RPTOR: variants seen among roughly 807,000 people sequenced by gnomAD.
RPTOR encodes regulatory associated protein of MTOR complex 1, also known as regulatory-associated protein of mTOR.
RPTOR carries 21 observed loss-of-function variants against 169.9 expected under a neutral mutation model. The observed-to-expected ratio is 0.12, with a 90% CI of 0.09 to 0.18. The LOEUF (loss-of-function observed/expected upper bound fraction) is 0.18. RPTOR is among the 10% of genes least tolerant of loss of function. The pLI, the probability that RPTOR is intolerant of heterozygous loss-of-function variation, is 1.00. For synonymous variants in RPTOR, 732 were observed against 753.2 expected (o/e 0.97, Z 0.46); for missense variants, 1,133 against 1,855.9 (o/e 0.61, Z 7.16).
rs562286937 is a variant in RPTOR at position 80,907,851 on chromosome 17, T to A, written c.2402-960T>A. ...CTCCTTCCCTTCAAAGCCCAGCTCC[T>A]TCGTGCCTCTTCCACCAGGCCTTCC... On this transcript the variant is annotated intron_variant, in intron 20 of 33. Coordinates refer to ENST00000306801, the MANE Select transcript of RPTOR (RefSeq NM_020761.3). Among the ~76,000 whole-genome samples the A allele has an allele frequency of 2.6e-5, 4 of 152,364 alleles. No individual in the cohort carries two copies. In the South Asian group the frequency reaches 8.3e-4, roughly 32 times the overall value.
chr17:80,962,608 C>T (rs770096858), intron 32 of RPTOR, 31 bp downstream of exon 32: 6 of 1,568,906 alleles, frequency 3.8e-6, no homozygotes, highest in East Asian at 4.5e-5. Context: ...TGGCCTGCAC[C>T]GCTCACCCGC....
At chr17:80,647,878 G>A (rs954597078) in intron 3 of RPTOR, among the ~76,000 whole-genome samples, 1 of 152,128 alleles carries the variant, frequency 6.6e-6, no homozygotes, top group African/African-American at 2.4e-5. Context: ...CCATGTGGTG[G>A]ACAGTTCTTA....
In RPTOR at chr17:80,707,904, C is replaced by T. The variant is rs2143094003; in HGVS notation, c.412C>T (p.Arg138Cys). ...DEVKKLCTSL[R>C]RNAKEERVLF... ...AGTCAAGAAGCTCTGCACGTCCTTA[C>T]GTCGCAACGCCAAGGAGGAGCGAGT... Residue 138 changes from arginine (R) to cysteine (C), a missense_variant, in exon 4 of 34, where the codon CGT (arginine) becomes TGT (cysteine). This residue lies in a region of RPTOR where 74 missense variants were observed against 168.3 expected (regional missense o/e 0.44). Transcript: ENST00000306801. This position sits in a 1 kb window ranked among gnomAD's most constrained non-coding sequence, Gnocchi z 5.0. The T allele has an allele frequency of 1.2e-6, 2 of 1,614,026 alleles. No homozygotes were observed. The highest frequency in any genetic ancestry group is 1.7e-6 in the Non-Finnish European group (2 of 1,179,954).
At chr17:80,822,592 G>A (rs539900602) in intron 8 of RPTOR, among the ~76,000 whole-genome samples, 4 of 152,332 alleles carry the variant, frequency 2.6e-5, no homozygotes, top group South Asian at 2.1e-4. Flanking sequence ...CAGAGTCGTC[G>A]GCATTATTCA....
intron 3 of RPTOR, among the ~76,000 whole-genome samples, chr17:80,682,838 C>A (rs2065908788): frequency 6.6e-6 from 1 of 151,992 alleles, no homozygotes; most frequent in Admixed American, 6.6e-5. Flanking sequence ...GCTGTGTTCC[C>A]CAGGCTGGAG....
rs907012732 is a variant in RPTOR, at chr17:80,609,681, G to C, written c.163-16010G>C. On this transcript the variant is annotated intron_variant, in intron 1 of 33. Transcript: ENST00000306801. The surrounding 1 kb of genome is among the most constrained non-coding windows in gnomAD (Gnocchi z 4.8). ...AATCGCTTGAACCCAGGAGGTGGAGGTTGCAGTGAGCTGAGATTGCACTGC... is the reference window on the plus strand; with the variant it reads ...AATCGCTTGAACCCAGGAGGTGGAGCTTGCAGTGAGCTGAGATTGCACTGC... Among the ~76,000 whole-genome samples, 1 of 151,958 alleles carries C rather than the reference G, an allele frequency of 6.6e-6. No homozygotes were observed.
intron 9 of RPTOR, among the ~76,000 whole-genome samples, chr17:80,830,452 C>T (rs1270528768): frequency 3.3e-5 from 5 of 152,214 alleles, no homozygotes; most frequent in Non-Finnish European, 7.3e-5. Context: ...AGTAGACCAC[C>T]CCCCAATTCT....
Position 80,560,612 on chromosome 17 carries a change from C to T in RPTOR, c.162+14821C>T, listed in dbSNP as rs115405725. On this transcript the variant is annotated intron_variant, in intron 1 of 33. Transcript: ENST00000306801. ...GAAGGTTCAGCTGGAGGAACGGGGACGTGCAGGAGCTGAGAGGTGAGTGAG... is the reference window on the plus strand; with the variant it reads ...GAAGGTTCAGCTGGAGGAACGGGGATGTGCAGGAGCTGAGAGGTGAGTGAG... Among the ~76,000 whole-genome samples, 1,386 of 152,090 alleles carry T rather than the reference C, an allele frequency of 9.1e-3. 30 individuals are homozygous for T. Among genetic ancestry groups the T allele is most frequent in the African/African-American group, 0.031 (1,286 of 41,506 alleles).
chr17:80,837,523 A>G (rs2067578117), intron 9 of RPTOR, among the ~76,000 whole-genome samples: 2 of 152,214 alleles, frequency 1.3e-5, no homozygotes, highest in South Asian at 4.1e-4. Context: ...GCCCCATCAG[A>G]GCCTGCGCAG....
At chr17:80,765,884 G>A (rs932109121) in intron 6 of RPTOR, among the ~76,000 whole-genome samples, 1 of 152,168 alleles carries the variant, frequency 6.6e-6, no homozygotes, top group African/African-American at 2.4e-5. Flanking sequence ...GACTGGAGAC[G>A]TCTTCCCTTC....
intron 1 of RPTOR, among the ~76,000 whole-genome samples, chr17:80,554,570 C>T (rs943791671): frequency 6.6e-6 from 1 of 151,998 alleles, no homozygotes; most frequent in African/African-American, 2.4e-5. Context: ...GATGAAACCC[C>T]ATCTCTACTA....
intron 6 of RPTOR, among the ~76,000 whole-genome samples, chr17:80,791,171 G>A (rs148761197): frequency 2.0e-5 from 3 of 152,126 alleles, no homozygotes; most frequent in Non-Finnish European, 2.9e-5. Context: ...GCATCTCGGC[G>A]CTCCTCTCCA....
chr17:80,747,332 T>C (rs1343773568), intron 5 of RPTOR, among the ~76,000 whole-genome samples: 1 of 152,252 alleles, frequency 6.6e-6, no homozygotes, highest in African/African-American at 2.4e-5. Flanking sequence ...GAATTCAGCA[T>C]GCTTCCTCCT....
chr17:80,597,039 G>T (rs1311165471), intron 1 of RPTOR, among the ~76,000 whole-genome samples: 1 of 152,162 alleles, frequency 6.6e-6, no homozygotes, highest in Non-Finnish European at 1.5e-5. Context: ...GAGGGAGTTT[G>T]CAAGAAGCTT....
intron 20 of RPTOR, among the ~76,000 whole-genome samples, chr17:80,898,601 T>C (rs944930495): frequency 6.6e-6 from 1 of 151,464 alleles, no homozygotes; most frequent in African/African-American, 2.4e-5. Flanking sequence ...TCCTTCCTAA[T>C]GTGTGTGTTC....
At chr17:80,899,954 C>A (rs1365833265) in intron 20 of RPTOR, among the ~76,000 whole-genome samples, 15 of 152,194 alleles carry the variant, frequency 9.9e-5, no homozygotes, top group Admixed American at 9.2e-4. Flanking sequence ...GATTCTCCCA[C>A]GGATTGGACA....
intron 1 of RPTOR, among the ~76,000 whole-genome samples, chr17:80,607,127 G>A (rs912262673): frequency 3.9e-5 from 6 of 152,072 alleles, no homozygotes; most frequent in African/African-American, 1.2e-4. Flanking sequence ...TTGAAGAGGA[G>A]TCTCACTCTG....
chr17:80,909,365 G>A (rs938053060), intron 21 of RPTOR, among the ~76,000 whole-genome samples: 4 of 151,876 alleles, frequency 2.6e-5, no homozygotes, highest in Non-Finnish European at 4.4e-5. Context: ...ACAAGCGTGA[G>A]CCACTGCACC....
In RPTOR at chr17:80,966,117, A is replaced by ACCCC. The variant is rs55752459; in HGVS notation, c.*1793_*1796dup. On this transcript the variant is annotated 3_prime_UTR_variant, in exon 34 of 34. Coordinates refer to ENST00000306801, the MANE Select transcript of RPTOR (RefSeq NM_020761.3). ...GGCAGGTGGCTCCAGAGGGGTCAAG[A>ACCCC]CCCCCCCCCGCCCCCGCTCCACCCT... is the stretch of plus-strand genomic sequence containing the variant. 26 of 181,586 alleles carry ACCCC rather than the reference A, an allele frequency of 1.4e-4. No homozygotes were observed. Among genetic ancestry groups the ACCCC allele is most frequent in the Non-Finnish European group, 1.9e-4 (18 of 96,630 alleles). 11.2% of individuals were successfully genotyped at this position (181,586 alleles called of 1,614,324 possible). A position where few individuals can be genotyped will look rare whatever the true frequency, so the allele number is the denominator to read the frequency against.
Sources: allele counts gnomAD v4.1 joint callset (sites outside exome capture counted in the v4.1 genomes callset), GRCh38; gene constraint gnomAD v4.1.1; regional missense constraint gnomAD v4.1.1; non-coding constraint Gnocchi (gnomAD v3.1); transcripts MANE v1.5; gene names NCBI Gene and HGNC (gene_info 2026-07-23, HGNC 2026-07-21).